Variants in DGKK observed in about 807,000 individuals in gnomAD.
The protein encoded by DGKK is 142 kDa diacylglycerol kinase.
A neutral mutation model predicts 92.2 loss-of-function variants in DGKK; 35 were observed. The observed-to-expected ratio is 0.38, with a 90% confidence interval of 0.29 to 0.50. The LOEUF (loss-of-function observed/expected upper bound fraction) is 0.50. DGKK is among the 20% of genes least tolerant of loss of function. The pLI, the probability that DGKK is intolerant of heterozygous loss-of-function variation, is 0.92. For missense variants in DGKK, 910 were observed against 992.2 expected (o/e 0.92, Z 1.11); for synonymous variants, 368 against 360.6 (o/e 1.02, Z -0.23).
chrX:50,393,013 T>G, intron 9 of DGKK, 139 bp downstream of exon 9: 1 of 508,639 alleles, frequency 2.0e-6, no homozygotes, highest in South Asian at 3.9e-5. Flanking sequence ...TGGAGTTATG[T>G]GCTTGTGTCC....
At chrX:50,416,995 C>G (rs1925452533) in intron 4 of DGKK, among the ~76,000 whole-genome samples, 1 of 108,696 alleles carries the variant, frequency 9.2e-6, no homozygotes, top group East Asian at 2.9e-4. Flanking sequence ...CCAGAATCAA[C>G]TTATGATTTT....
At chrX:50,429,504 T>C (rs1388977711) in intron 1 of DGKK, among the ~76,000 whole-genome samples, 1 of 110,908 alleles carries the variant, frequency 9.0e-6, no homozygotes, top group East Asian at 2.8e-4. Context: ...GCTAACACGG[T>C]GAAACCCCGT....
At chrX:50,457,160 C>T (rs1040323512) in intron 1 of DGKK, among the ~76,000 whole-genome samples, 4 of 111,562 alleles carry the variant, frequency 3.6e-5, no homozygotes, top group Non-Finnish European at 7.5e-5. Context: ...CTCACAGACA[C>T]GAACATTAGC....
chrX:50,465,673 A>G (rs1926883211), intron 1 of DGKK, among the ~76,000 whole-genome samples: 1 of 111,222 alleles, frequency 9.0e-6, no homozygotes, highest in Admixed American at 9.6e-5. Context: ...GAAGTGGAGC[A>G]GCAACCACCG....
rs1927059364 is a variant in DGKK at position 50,470,765 on chromosome X, C to G, written c.-87G>C. The G allele has an allele frequency of 9.8e-7, 1 of 1,022,166 alleles. No individual in the cohort carries two copies. Among genetic ancestry groups the G allele is most frequent in the African/African-American group, 1.9e-5 (1 of 52,312 alleles). 84.2% of individuals were successfully genotyped at this position (1,022,166 alleles called of 1,213,427 possible). ...CTCGGGCGCCCCGCCCACTCCAGTC[C>G]GGCAGCCCCTCGCAGGGTGCCAAAC... On this transcript the variant is annotated 5_prime_UTR_variant, in exon 1 of 28. Coordinates refer to ENST00000611977, the MANE Select transcript of DGKK (RefSeq NM_001013742.4).
chrX:50,450,297 T>A (rs2147148155), intron 1 of DGKK, among the ~76,000 whole-genome samples: 1 of 112,372 alleles, frequency 8.9e-6, no homozygotes, highest in South Asian at 3.7e-4. Flanking sequence ...TCTGATTACT[T>A]GACCACATCA....
chrX:50,408,097 A>G (rs111910915), intron 4 of DGKK, among the ~76,000 whole-genome samples: 6,848 of 112,323 alleles, frequency 0.061, 396 homozygotes, highest in African/African-American at 0.18. Context: ...TGCTGTTGCC[A>G]TCATAGGCCC....
At chrX:50,382,785 T>TA (rs2147120895) in intron 17 of DGKK, among the ~76,000 whole-genome samples, 182 bp from the exon 18 acceptor site, 1 of 111,661 alleles carries the variant, frequency 9.0e-6, no homozygotes, top group Admixed American at 9.5e-5. Flanking sequence ...ACAACTAGCT[T>TA]ATTAGCTGTA....
intron 1 of DGKK, among the ~76,000 whole-genome samples, chrX:50,429,945 G>A (rs149475122): frequency 1.4e-3 from 158 of 112,243 alleles, no homozygotes; most frequent in African/African-American, 4.9e-3. Flanking sequence ...GAAGCAGGTA[G>A]TGAAAGGCGT....
chrX:50,382,440 G>A (rs2147120717), intron 18 of DGKK, 56 bp downstream of exon 18: 6 of 850,232 alleles, frequency 7.1e-6, no homozygotes, highest in East Asian at 6.4e-5. Flanking sequence ...GTAGGAATAC[G>A]TATGTGTATT....
chrX:50,388,487 G>T, intron 13 of DGKK, 40 bp downstream of exon 13: 1 of 1,080,425 alleles, frequency 9.3e-7, no homozygotes, highest in African/African-American at 1.8e-5. Flanking sequence ...TGTCTGACCT[G>T]GGAACAGCCC....
At chrX:50,374,844 G>T (rs1468367642) in intron 25 of DGKK, 127 bp downstream of exon 25, 2 of 513,292 alleles carry the variant, frequency 3.9e-6, no homozygotes, top group Non-Finnish European at 6.7e-6. Context: ...ACACAGTAGG[G>T]ACTTCCAGGC....
At position 50,401,084 on chromosome X, in the gene DGKK, C is replaced by A. The variant is rs200145224; in HGVS notation, c.1364G>T (p.Arg455Leu). Residue 455 changes from arginine to leucine, a missense_variant, in exon 8 of 28, where the codon CGC becomes CTC. Physicochemically the swap from Arg to Leu is moderately radical, Grantham distance 102. Transcript: ENST00000611977. Reference sequence around the variant, plus strand: ...AGCAGTGGGAGGAATGACTGATGAGCGATGGCTTCTGAAGCAACATTCCTT... The same window carrying A: ...AGCAGTGGGAGGAATGACTGATGAGAGATGGCTTCTGAAGCAACATTCCTT... ...FSKECCFRSH[R>L]SSVIPPTALS... 2,044 of 1,200,177 alleles carry A rather than the reference C, an allele frequency of 1.7e-3. 2 individuals carry two copies. The highest frequency in any genetic ancestry group is 2.1e-3 in the Non-Finnish European group (1,871 of 890,542).
At chrX:50,400,148 A>G (rs1924963050) in intron 8 of DGKK, among the ~76,000 whole-genome samples, 1 of 112,281 alleles carries the variant, frequency 8.9e-6, no homozygotes. Context: ...AACATCACAT[A>G]TCTAGTAAGT....
intron 17 of DGKK, among the ~76,000 whole-genome samples, chrX:50,383,228 T>A (rs2051765539): frequency 9.0e-6 from 1 of 111,726 alleles, no homozygotes; most frequent in South Asian, 3.8e-4. Context: ...AACTCCAGAT[T>A]CAATGGCATT....
chrX:50,429,550 G>T (rs1306901168), intron 1 of DGKK, among the ~76,000 whole-genome samples: 3 of 111,526 alleles, frequency 2.7e-5, no homozygotes, highest in Non-Finnish European at 5.7e-5. Flanking sequence ...TTAGCCGGGC[G>T]TGGTGGCGGG....
chrX:50,388,573 T>A lies in DGKK; in HGVS notation c.1972A>T (p.Lys658Ter). The part of the protein sequence containing the change: ...HLESAATELN[K>*]ILKAKYPTEM... ...GTGGGGTACTTGGCCTTCAGGATTTTGTTCAACTCGGTGGCTGCAGATTCT... is the reference window on the plus strand; with the variant it reads ...GTGGGGTACTTGGCCTTCAGGATTTAGTTCAACTCGGTGGCTGCAGATTCT... The change falls in exon 13 of 28, where the codon AAA (lysine) becomes TAA (stop). Residue 658 changes from lysine (K) to a stop codon, truncating the protein, a stop_gained. Coordinates refer to ENST00000611977, the MANE Select transcript of DGKK (RefSeq NM_001013742.4). LOFTEE classifies it high-confidence loss of function. The A allele has an allele frequency of 8.3e-7, 1 of 1,209,314 alleles. No homozygotes were observed. Among genetic ancestry groups the A allele is most frequent in the Non-Finnish European group, 1.1e-6 (1 of 894,363 alleles).
At chrX:50,401,274 A>G (rs781823881) in intron 7 of DGKK, 135 bp from the exon 8 acceptor site, 11 of 567,674 alleles carry the variant, frequency 1.9e-5, no homozygotes, top group Middle Eastern at 3.8e-4. Flanking sequence ...GGTGCCATAC[A>G]TATATCCCTA....
At chrX:50,427,096 C>A (rs782089303) in intron 1 of DGKK, among the ~76,000 whole-genome samples, 1 of 112,056 alleles carries the variant, frequency 8.9e-6, no homozygotes, top group South Asian at 3.7e-4. Flanking sequence ...TTGGAAACAA[C>A]CAAGATGTCC....
Sources: allele counts gnomAD v4.1 joint callset (sites outside exome capture counted in the v4.1 genomes callset), GRCh38; gene constraint gnomAD v4.1.1; transcripts MANE v1.5; gene names NCBI Gene and HGNC (gene_info 2026-07-23, HGNC 2026-07-21).